Variants in MRPS31 observed in about 807,000 individuals in gnomAD.
MRPS31 encodes small ribosomal subunit protein mS31.
In MRPS31, 32 loss-of-function variants were observed where a neutral mutation model predicts 43.1. That is an observed-to-expected ratio of 0.74 (90% CI 0.56 to 1.00). The LOEUF (loss-of-function observed/expected upper bound fraction) is 1.00, where lower values mean the gene tolerates loss of function less well. Among genes scored for constraint, MRPS31 ranks in the 50% least tolerant of loss-of-function variants. MRPS31 has a pLI of 0.00. For missense variants in MRPS31, 437 were observed against 466.7 expected (o/e 0.94, Z 0.59); for synonymous variants, 165 against 161.6 (o/e 1.02, Z -0.16).
chr13:40,742,915 A>G (rs1880142412), intron 6 of MRPS31, among the ~76,000 whole-genome samples: 1 of 152,226 alleles, frequency 6.6e-6, no homozygotes, highest in Admixed American at 6.5e-5. Flanking sequence ...AAGGTGGATT[A>G]AAGGCTTAAA....
At chr13:40,765,581 G>A (rs1222610147) in intron 2 of MRPS31, among the ~76,000 whole-genome samples, 1 of 152,096 alleles carries the variant, frequency 6.6e-6, no homozygotes, top group African/African-American at 2.4e-5. Context: ...AGGAGGAGGA[G>A]GAGGAAGTAC....
chr13:40,739,634 G>A (rs1290029072), intron 6 of MRPS31, among the ~76,000 whole-genome samples: 4 of 151,998 alleles, frequency 2.6e-5, no homozygotes, highest in East Asian at 1.9e-4. Flanking sequence ...AAGTAACGCC[G>A]TATATCTACA....
At chr13:40,741,838 CTA>C (rs1880103434) in intron 6 of MRPS31, among the ~76,000 whole-genome samples, 1 of 151,174 alleles carries the variant, frequency 6.6e-6, no homozygotes, top group Non-Finnish European at 1.5e-5. Context: ...AGGTCTATCT[CTA>C]TGTACTGACA....
chr13:40,758,570 G>A (rs1010597001), intron 3 of MRPS31, among the ~76,000 whole-genome samples: 1 of 152,152 alleles, frequency 6.6e-6, no homozygotes, highest in African/African-American at 2.4e-5. Context: ...AGGAAAAAGA[G>A]AAGGCAACAG....
chr13:40,769,798 T>C (rs1880956537), intron 1 of MRPS31, among the ~76,000 whole-genome samples: 1 of 152,166 alleles, frequency 6.6e-6, no homozygotes, highest in South Asian at 2.1e-4. Flanking sequence ...GAAAACAATC[T>C]ACATTATAGG....
chr13:40,736,803 AC>A (rs1454678295), intron 6 of MRPS31, among the ~76,000 whole-genome samples: 1 of 149,408 alleles, frequency 6.7e-6, no homozygotes, highest in African/African-American at 2.5e-5. Context: ...GAAAGGAACA[AC>A]CGGTACCAGC....
intron 6 of MRPS31, among the ~76,000 whole-genome samples, chr13:40,730,171 A>G (rs1879637486): frequency 6.6e-6 from 1 of 152,232 alleles, no homozygotes. Flanking sequence ...AAGATCAAAC[A>G]GACACAAACT....
At chr13:40,735,254 A>G (rs1208074360) in intron 6 of MRPS31, among the ~76,000 whole-genome samples, 1 of 152,158 alleles carries the variant, frequency 6.6e-6, no homozygotes, top group African/African-American at 2.4e-5. Flanking sequence ...ACCAGATTAT[A>G]TCCCGCACCT....
intron 6 of MRPS31, among the ~76,000 whole-genome samples, chr13:40,739,454 G>C (rs1271931351): frequency 2.0e-5 from 3 of 152,000 alleles, no homozygotes; most frequent in Non-Finnish European, 2.9e-5. Context: ...AGTTCATATG[G>C]AACCAAAAAA....
At chr13:40,734,482 G>A (rs2137992560) in intron 6 of MRPS31, among the ~76,000 whole-genome samples, 1 of 152,326 alleles carries the variant, frequency 6.6e-6, no homozygotes, top group East Asian at 1.9e-4. Flanking sequence ...GAGGCTGTAT[G>A]AAATGTAGGA....
chr13:40,735,294 T>C (rs1183448520), intron 6 of MRPS31, among the ~76,000 whole-genome samples: 4 of 152,198 alleles, frequency 2.6e-5, no homozygotes, highest in African/African-American at 9.7e-5. Context: ...CCACGGAGTC[T>C]CGCTGATTGC....
intron 4 of MRPS31, among the ~76,000 whole-genome samples, chr13:40,756,237 T>C (rs1396649743): frequency 1.3e-5 from 2 of 152,206 alleles, no homozygotes; most frequent in Non-Finnish European, 2.9e-5. Flanking sequence ...GGTTCCTCCT[T>C]CCCATCTATC....
At chr13:40,734,448 A>G (rs974531599) in intron 6 of MRPS31, among the ~76,000 whole-genome samples, 1 of 152,198 alleles carries the variant, frequency 6.6e-6, no homozygotes, top group Non-Finnish European at 1.5e-5. Flanking sequence ...AGGAAATTCA[A>G]TATTTTTGTG....
Position 40,729,468 on chromosome 13 carries a change from A to G in MRPS31, c.1092T>C (p.Leu364=), listed in dbSNP as rs746195622. The change falls in exon 7 of 7, where the codon CTT becomes CTC. Residue 364 remains leucine (L), a synonymous_variant. Coordinates refer to ENST00000323563, the MANE Select transcript of MRPS31 (RefSeq NM_005830.4). ...TGTGTTCAACCTTCTGTTTAACACT[A>G]AGATATGGGTTTTTGGAAAGGCCAC... is the stretch of plus-strand genomic sequence containing the variant. ...VTCGLSKNPY[L]SVKQKVEHIE... is the part of the protein sequence containing the mutation. The G allele has an allele frequency of 4.3e-6, 7 of 1,611,580 alleles. No homozygotes were observed. The highest frequency in any genetic ancestry group is 8.5e-7 in the Non-Finnish European group (1 of 1,177,758).
intron 6 of MRPS31, among the ~76,000 whole-genome samples, chr13:40,732,129 T>G (rs1879717545): frequency 6.6e-6 from 1 of 152,252 alleles, no homozygotes; most frequent in Non-Finnish European, 1.5e-5. Flanking sequence ...GCCTGTAGCC[T>G]CAAGTCAAGC....
At chr13:40,738,946 G>C in intron 6 of MRPS31, among the ~76,000 whole-genome samples, 1 of 152,136 alleles carries the variant, frequency 6.6e-6, no homozygotes, top group East Asian at 1.9e-4. Context: ...AGGACAATTA[G>C]GCAGTAGAAA....
intron 6 of MRPS31, among the ~76,000 whole-genome samples, chr13:40,735,505 T>C (rs1477431749): frequency 6.6e-6 from 1 of 152,062 alleles, no homozygotes; most frequent in Non-Finnish European, 1.5e-5. Flanking sequence ...AAGACAGCAG[T>C]AACCTCTGCA....
At chr13:40,735,410 G>A (rs1056592815) in intron 6 of MRPS31, among the ~76,000 whole-genome samples, 1 of 152,184 alleles carries the variant, frequency 6.6e-6, no homozygotes, top group African/African-American at 2.4e-5. Flanking sequence ...CAGGAAGCTC[G>A]AACTGGGTGG....
Position 40,754,018 on chromosome 13 carries a change from C to T in MRPS31, c.814+1G>A. On this transcript the variant is annotated splice_donor_variant, in intron 5 of 6. Coordinates refer to ENST00000323563, the MANE Select transcript of MRPS31 (RefSeq NM_005830.4). LOFTEE classifies it high-confidence loss of function. ...GAGAAAGAGTGTTATTCTTAACAAA[C>T]CTGTTTCAGGTGCTTCTTTAGTAAC... The T allele has an allele frequency of 1.3e-6, 2 of 1,576,490 alleles. No individual in the cohort carries two copies. The highest frequency in any genetic ancestry group is 1.1e-5 in the South Asian group (1 of 88,594).
Sources: gnomAD v4.1 joint callset for allele counts (sites outside exome capture counted in the v4.1 genomes callset) on GRCh38, gnomAD v4.1.1 for gene constraint, MANE v1.5 for transcripts, NCBI Gene and HGNC (gene_info 2026-07-23, HGNC 2026-07-21) for gene names.